WDFY2: variants seen among roughly 807,000 people sequenced by gnomAD.
The protein encoded by WDFY2 is WD repeat and FYVE domain containing 2, also known as WD repeat and FYVE domain-containing protein 2.
A neutral mutation model predicts 56.4 loss-of-function variants in WDFY2; 36 were observed. That is an observed-to-expected ratio of 0.64 (90% CI 0.49 to 0.84). WDFY2 has a LOEUF of 0.84. Among genes scored for constraint, WDFY2 ranks in the 40% least tolerant of loss-of-function variants. The pLI is 0.00. For synonymous variants in WDFY2, 176 were observed against 183.7 expected (o/e 0.96, Z 0.34); for missense variants, 444 against 512.2 (o/e 0.87, Z 1.29).
intron 1 of WDFY2, chr13:51,589,737 C>A (rs1308097076): frequency 6.6e-6 from 1 of 151,952 alleles, no homozygotes; most frequent in Non-Finnish European, 1.5e-5. Flanking sequence ...AAATTAGAAC[C>A]CATCTAAACT....
At position 51,767,477 on chromosome 13, in the gene WDFY2, A is replaced by T. The variant is rs1423278237; in HGVS notation, c.*7708A>T. On this transcript the variant is annotated 3_prime_UTR_variant, in exon 12 of 12. Transcript: ENST00000298125. The stretch of plus-strand genomic sequence containing the variant: ...GCAGCCGTCTGGGTTTTCCTCTGCT[A>T]TGGGGGATGAGTTACGTTTATTCCA... 6.6e-6 allele frequency: 1 copy of T among 152,138 alleles called. No individual in the cohort carries two copies. The highest frequency in any genetic ancestry group is 2.4e-5 in the African/African-American group (1 of 41,420). The allele number at this position is 152,138 out of a possible 1,614,324, so 9.4% of individuals were successfully genotyped here. A position where few individuals can be genotyped will look rare whatever the true frequency, so the allele number is the denominator to read the frequency against.
chr13:51,762,702 T>A lies in WDFY2; in HGVS notation c.*2933T>A, dbSNP rs1953624068. 1 of 152,240 alleles carries A rather than the reference T, an allele frequency of 6.6e-6. No individual in the cohort carries two copies. Among genetic ancestry groups the A allele is most frequent in the African/African-American group, 2.4e-5 (1 of 41,462 alleles). The allele number at this position is 152,240 out of a possible 1,614,324, so 9.4% of individuals were successfully genotyped here. A position where few individuals can be genotyped will look rare whatever the true frequency, so the allele number is the denominator to read the frequency against. On this transcript the variant is annotated 3_prime_UTR_variant, in exon 12 of 12. Coordinates refer to ENST00000298125, the MANE Select transcript of WDFY2 (RefSeq NM_052950.4). ...CTTGTTCTGTCTAGGTGAACTCTCATAATTCTTGTTTTACCCTGTTGGATT... is the reference window on the plus strand; with the variant it reads ...CTTGTTCTGTCTAGGTGAACTCTCAAAATTCTTGTTTTACCCTGTTGGATT...
At chr13:51,584,872 C>T in intron 1 of WDFY2, 48 bp downstream of exon 1, 1 of 1,605,096 alleles carries the variant, frequency 6.2e-7, no homozygotes, top group Non-Finnish European at 8.5e-7. Flanking sequence ...GACGGGCCGA[C>T]GGCCCTCGAG....
intron 4 of WDFY2, among the ~76,000 whole-genome samples, chr13:51,709,074 A>T (rs1952151209): frequency 6.6e-6 from 1 of 152,174 alleles, no homozygotes; most frequent in Non-Finnish European, 1.5e-5. Flanking sequence ...ATTTTCAATA[A>T]TTTATTGAAG....
chr13:51,687,960 TG>T (rs1306655025), intron 3 of WDFY2, among the ~76,000 whole-genome samples: 1 of 151,538 alleles, frequency 6.6e-6, no homozygotes, highest in Admixed American at 6.6e-5. Flanking sequence ...GGCTAGGAAA[TG>T]GGGATGCGCA....
intron 2 of WDFY2, among the ~76,000 whole-genome samples, chr13:51,673,168 G>GA (rs1362799282): frequency 1.3e-5 from 2 of 152,156 alleles, no homozygotes; most frequent in Non-Finnish European, 2.9e-5. Flanking sequence ...GGAAATTGGG[G>GA]AAAAAACAAG....
intron 7 of WDFY2, among the ~76,000 whole-genome samples, chr13:51,739,423 A>G (rs1270887980): frequency 6.6e-6 from 1 of 152,218 alleles, no homozygotes; most frequent in Non-Finnish European, 1.5e-5. Context: ...CAGTGAATAA[A>G]TAAAAGGTAA....
chr13:51,698,117 C>A (rs1951914014), intron 3 of WDFY2, among the ~76,000 whole-genome samples: 4 of 152,170 alleles, frequency 2.6e-5, no homozygotes, highest in Non-Finnish European at 5.9e-5. Context: ...TGTGTTTTAG[C>A]TCGGATTTAA....
At chr13:51,667,417 C>T (rs530324838) in intron 2 of WDFY2, among the ~76,000 whole-genome samples, 3 of 152,238 alleles carry the variant, frequency 2.0e-5, no homozygotes, top group East Asian at 1.9e-4. Flanking sequence ...GGAGGACTTT[C>T]GGTAACTTCA....
At chr13:51,664,189 C>T (rs934535691) in intron 2 of WDFY2, among the ~76,000 whole-genome samples, 7 of 152,126 alleles carry the variant, frequency 4.6e-5, no homozygotes, top group Non-Finnish European at 1.0e-4. Context: ...GAAAGAAGAG[C>T]AGACGCATCA....
At chr13:51,677,535 A>C (rs925350554) in intron 3 of WDFY2, among the ~76,000 whole-genome samples, 8 of 152,248 alleles carry the variant, frequency 5.3e-5, no homozygotes, top group Non-Finnish European at 7.3e-5. Flanking sequence ...CCTGGTTATA[A>C]CAAATAAATT....
intron 4 of WDFY2, among the ~76,000 whole-genome samples, chr13:51,710,624 A>G (rs1411715412): frequency 6.6e-6 from 1 of 152,240 alleles, no homozygotes; most frequent in Admixed American, 6.5e-5. Flanking sequence ...AAAAATCACA[A>G]GCATTCCTAT....
At chr13:51,643,036 G>C (rs1289058638) in intron 1 of WDFY2, among the ~76,000 whole-genome samples, 1 of 152,112 alleles carries the variant, frequency 6.6e-6, no homozygotes, top group African/African-American at 2.4e-5. Flanking sequence ...TACAGTTGTG[G>C]AGAGAGAGAA....
intron 4 of WDFY2, among the ~76,000 whole-genome samples, chr13:51,712,950 G>A (rs748300809): frequency 1.8e-4 from 27 of 152,082 alleles, no homozygotes; most frequent in Non-Finnish European, 2.6e-4. Flanking sequence ...TAATAGTTCT[G>A]TATCTACTAA....
intron 2 of WDFY2, among the ~76,000 whole-genome samples, chr13:51,661,951 T>C (rs1955622196): frequency 6.6e-6 from 1 of 152,068 alleles, no homozygotes; most frequent in Non-Finnish European, 1.5e-5. Context: ...GGTTTTTTTT[T>C]CCTGTTTTTT....
At chr13:51,669,090 A>C (rs1955763619) in intron 2 of WDFY2, among the ~76,000 whole-genome samples, 2 of 152,172 alleles carry the variant, frequency 1.3e-5, no homozygotes, top group Admixed American at 1.3e-4. Context: ...CTTTCCCTCT[A>C]ATCCATTTAA....
intron 1 of WDFY2, among the ~76,000 whole-genome samples, chr13:51,651,241 C>A (rs1243336746): frequency 6.6e-6 from 1 of 152,180 alleles, no homozygotes; most frequent in East Asian, 1.9e-4. Flanking sequence ...GTTTGTATTT[C>A]TGTGGGATCG....
At chr13:51,686,745 A>G (rs568572165) in intron 3 of WDFY2, among the ~76,000 whole-genome samples, 5 of 152,302 alleles carry the variant, frequency 3.3e-5, no homozygotes, top group Admixed American at 2.0e-4. Flanking sequence ...TGTGTTTTCT[A>G]TTAACCCAAG....
rs1480951369 is a variant in WDFY2 at position 51,762,373 on chromosome 13, C to T, written c.*2604C>T. On this transcript the variant is annotated 3_prime_UTR_variant, in exon 12 of 12. Coordinates refer to ENST00000298125, the MANE Select transcript of WDFY2 (RefSeq NM_052950.4). Reference sequence around the variant, plus strand: ...CTCCCTCCCAGCCCACAGAGCCACTCAGAGGCTGAAGCCACTTCACAGCCC... The same window carrying T: ...CTCCCTCCCAGCCCACAGAGCCACTTAGAGGCTGAAGCCACTTCACAGCCC... 1.3e-5 allele frequency: 2 copies of T among 152,298 alleles called. No individual in the cohort carries two copies. Among genetic ancestry groups the T allele is most frequent in the Admixed American group, 1.3e-4 (2 of 15,288 alleles). The allele number at this position is 152,298 out of a possible 1,614,324, so 9.4% of individuals were successfully genotyped here.
Sources: gnomAD v4.1 joint callset for allele counts (sites outside exome capture counted in the v4.1 genomes callset) on GRCh38, gnomAD v4.1.1 for gene constraint, MANE v1.5 for transcripts, NCBI Gene and HGNC (gene_info 2026-07-23, HGNC 2026-07-21) for gene names.